The following KAZN variants were observed in gnomAD, a reference collection of about 807,000 sequenced individuals.
KAZN encodes the protein kazrin.
A neutral mutation model predicts 87.4 loss-of-function variants in KAZN; 40 were observed. The observed-to-expected ratio is 0.46, with a 90% CI of 0.36 to 0.60. KAZN has a LOEUF of 0.60. Ranked by LOEUF, KAZN falls within the 20% of genes least tolerant of loss-of-function variation. The probability of loss-of-function intolerance (pLI) is 0.00; values close to 1 mark genes in which losing one functional copy is unlikely to be tolerated. For synonymous variants in KAZN, 466 were observed against 458.3 expected (o/e 1.02, Z -0.22); for missense variants, 898 against 1,073.9 (o/e 0.84, Z 2.29).
At chr1:13,953,182 C>T (rs1382006518) in intron 1 of KAZN, among the ~76,000 whole-genome samples, 3 of 152,112 alleles carry the variant, frequency 2.0e-5, no homozygotes, top group African/African-American at 7.2e-5. Context: ...TATCTCTCCT[C>T]TCACCCCTTA....
intron 1 of KAZN, among the ~76,000 whole-genome samples, chr1:14,920,571 C>T (rs1387683724): frequency 1.3e-5 from 2 of 152,128 alleles, no homozygotes; most frequent in East Asian, 1.9e-4. Context: ...AAGTTGTATC[C>T]AGCCTCAATT....
At chr1:14,987,427 G>C (rs1407681661) in intron 2 of KAZN, among the ~76,000 whole-genome samples, 2 of 152,138 alleles carry the variant, frequency 1.3e-5, no homozygotes, top group African/African-American at 2.4e-5. Context: ...CCAGGAGGTG[G>C]AGGTGGCAGT....
chr1:14,820,275 CCTAA>C lies in KAZN; in HGVS notation c.227-140406_227-140403del, dbSNP rs1219657343. Reference sequence around the variant, plus strand: ...TGGATCATCTATTCAGCCTACTCTCCCTAACTGTTTCCCCGCAGAGGCTTCAGGG... The same window carrying C: ...TGGATCATCTATTCAGCCTACTCTCCCTGTTTCCCCGCAGAGGCTTCAGGG... On this transcript the variant is annotated intron_variant, in intron 1 of 14. Transcript: ENST00000376030. The surrounding 1 kb of genome is among the most constrained non-coding windows in gnomAD (Gnocchi z 4.1). Among the ~76,000 whole-genome samples the C allele has an allele frequency of 6.6e-6, 1 of 152,190 alleles. No individual in the cohort carries two copies. The highest frequency in any genetic ancestry group is 2.4e-5 in the African/African-American group (1 of 41,438).
chr1:15,009,436 A>G (rs1467278484), intron 2 of KAZN, among the ~76,000 whole-genome samples: 1 of 152,244 alleles, frequency 6.6e-6, no homozygotes, highest in Non-Finnish European at 1.5e-5. Flanking sequence ...AGGCAGACCC[A>G]GAGTCACAAC....
chr1:14,550,994 C>T (rs1278870197), intron 2 of KAZN, among the ~76,000 whole-genome samples: 2 of 152,108 alleles, frequency 1.3e-5, no homozygotes, highest in East Asian at 1.9e-4. Context: ...ACTTTGTTCA[C>T]ACTTTTCTGC....
chr1:14,928,049 C>T (rs1315143618), intron 1 of KAZN, among the ~76,000 whole-genome samples: 4 of 152,070 alleles, frequency 2.6e-5, no homozygotes, highest in African/African-American at 7.3e-5. Flanking sequence ...TAGAACAGTT[C>T]AGTAACTGCC....
intron 1 of KAZN, among the ~76,000 whole-genome samples, chr1:14,870,661 G>A (rs1160153349): frequency 1.3e-5 from 2 of 152,112 alleles, no homozygotes; most frequent in East Asian, 1.9e-4. Context: ...GTTAAATGGG[G>A]TTCACGACCG....
intron 1 of KAZN, among the ~76,000 whole-genome samples, chr1:14,074,890 G>A (rs1190481990): frequency 1.3e-5 from 2 of 152,148 alleles, no homozygotes; most frequent in African/African-American, 4.8e-5. Flanking sequence ...TGTTGGACTA[G>A]GTCATCTGTA....
chr1:14,582,319 CAAG>C (rs1571981313), intron 2 of KAZN, among the ~76,000 whole-genome samples: 1 of 152,164 alleles, frequency 6.6e-6, no homozygotes, highest in African/African-American at 2.4e-5. Flanking sequence ...AAGTGGGCAT[CAAG>C]AAGAGCTTCT....
chr1:14,194,731 G>T (rs1208150959), intron 2 of KAZN, among the ~76,000 whole-genome samples: 1 of 152,154 alleles, frequency 6.6e-6, no homozygotes, highest in Non-Finnish European at 1.5e-5. Flanking sequence ...GGATAGGAGG[G>T]CATGGGCCCT....
At chr1:14,261,720 A>T (rs1002868898) in intron 2 of KAZN, among the ~76,000 whole-genome samples, 11 of 152,144 alleles carry the variant, frequency 7.2e-5, no homozygotes, top group African/African-American at 2.7e-4. Flanking sequence ...TCATCTTGGA[A>T]AGGTCACTCT....
chr1:14,118,458 T>C (rs1557489654), intron 1 of KAZN, among the ~76,000 whole-genome samples: 1 of 152,254 alleles, frequency 6.6e-6, no homozygotes, highest in African/African-American at 2.4e-5. Context: ...CCAACTCTTT[T>C]ACTTCTTTCT....
chr1:14,871,880 C>T (rs897852073), intron 1 of KAZN, among the ~76,000 whole-genome samples: 9 of 151,008 alleles, frequency 6.0e-5, no homozygotes, highest in Non-Finnish European at 1.2e-4. Flanking sequence ...AAAGGTGACC[C>T]GGGAGAATGG....
At chr1:14,065,950 A>G (rs1176024558) in intron 1 of KAZN, among the ~76,000 whole-genome samples, 1 of 152,148 alleles carries the variant, frequency 6.6e-6, no homozygotes, top group Non-Finnish European at 1.5e-5. Context: ...TCCAATATGT[A>G]GTTTTTGTTT....
intron 2 of KAZN, among the ~76,000 whole-genome samples, chr1:14,378,785 ACT>A (rs1661124708): frequency 6.6e-6 from 1 of 151,910 alleles, no homozygotes; most frequent in Non-Finnish European, 1.5e-5. Flanking sequence ...ATGCTCTGAA[ACT>A]CTAAATAAAC....
intron 1 of KAZN, among the ~76,000 whole-genome samples, chr1:14,700,658 T>C (rs1641871657): frequency 6.6e-6 from 1 of 152,002 alleles, no homozygotes; most frequent in Non-Finnish European, 1.5e-5. Context: ...GTCAGTGGCA[T>C]GGAAGTTGAG....
chr1:14,666,758 A>C (rs1484136349), intron 1 of KAZN, among the ~76,000 whole-genome samples: 2 of 151,840 alleles, frequency 1.3e-5, no homozygotes, highest in Non-Finnish European at 2.9e-5. Flanking sequence ...TTAGTTTTTG[A>C]GACAGAGTCT....
At chr1:14,090,728 C>T (rs1402019681) in intron 1 of KAZN, among the ~76,000 whole-genome samples, 1 of 152,134 alleles carries the variant, frequency 6.6e-6, no homozygotes. Context: ...GCTGGGTAGG[C>T]ACAATGAGTG....
intron 1 of KAZN, among the ~76,000 whole-genome samples, chr1:14,861,308 G>A (rs1650821663): frequency 6.6e-6 from 1 of 152,204 alleles, no homozygotes; most frequent in South Asian, 2.1e-4. Flanking sequence ...GAACCCAGAA[G>A]GCAGAGGTTG....
Sources: allele counts gnomAD v4.1 joint callset (sites outside exome capture counted in the v4.1 genomes callset), GRCh38; gene constraint gnomAD v4.1.1; non-coding constraint Gnocchi (gnomAD v3.1); transcripts MANE v1.5; gene names NCBI Gene and HGNC (gene_info 2026-07-23, HGNC 2026-07-21).